Variants in MSI1 observed in about 807,000 individuals in gnomAD.
MSI1 encodes the protein musashi RNA binding protein 1, also known as RNA-binding protein Musashi homolog 1.
Under a neutral mutation model 54.4 loss-of-function variants are expected in MSI1, and 15 were observed. That is an observed-to-expected ratio of 0.28 (90% CI 0.18 to 0.42). MSI1 has a LOEUF of 0.42. MSI1 is among the 20% of genes least tolerant of loss of function. The pLI is 1.00. For missense variants in MSI1, 304 were observed against 506.0 expected (o/e 0.60, Z 3.83); for synonymous variants, 200 against 196.5 (o/e 1.02, Z -0.15).
In MSI1 at chr12:120,358,967, G is replaced by A. The variant is rs1054839984; in HGVS notation, c.451+38C>T. On this transcript the variant is annotated intron_variant, in intron 7 of 14. Coordinates refer to ENST00000257552, the MANE Select transcript of MSI1 (RefSeq NM_002442.4). ...GACCTGCAGCCCCCTGGCTGACCAC[G>A]GGGCCCAGCCTGGGAAGGGGGAGGG... 9 of 1,558,854 alleles carry A rather than the reference G, an allele frequency of 5.8e-6. 1 individual carries two copies. The highest frequency in any genetic ancestry group is 1.4e-5 in the African/African-American group (1 of 73,670).
At position 120,342,317 on chromosome 12, in the gene MSI1, T is replaced by G. The variant is rs982712949; in HGVS notation, c.*810A>C. On this transcript the variant is annotated 3_prime_UTR_variant, in exon 15 of 15. Transcript: ENST00000257552. ...AGGGCCTGAGAGAGCGGGCCTGCCG[T>G]GGCCACAGCTGAGGCCTGCAAGCTT... is the stretch of plus-strand genomic sequence containing the variant. The G allele has an allele frequency of 6.6e-6, 1 of 152,482 alleles. No individual in the cohort carries two copies. 9.4% of individuals were successfully genotyped at this position (152,482 alleles called of 1,614,324 possible). A position where few individuals can be genotyped will look rare whatever the true frequency, so the allele number is the denominator to read the frequency against.
rs1400226336 is a variant in MSI1 at position 120,353,282 on chromosome 12, T to C, written c.733+17A>G. 1.2e-6 allele frequency: 2 copies of C among 1,612,344 alleles called. No homozygotes were observed. Among genetic ancestry groups the C allele is most frequent in the Non-Finnish European group, 1.7e-6 (2 of 1,178,506 alleles). On this transcript the variant is annotated intron_variant, in intron 10 of 14. Coordinates refer to ENST00000257552, the MANE Select transcript of MSI1 (RefSeq NM_002442.4). ...CAGGGGCATGCTGGCAGCAGAGGGA[T>C]ACTGAGCAGGACTTACCGGGGAACT...
downstream of MSI1, among the ~76,000 whole-genome samples, chr12:120,339,819 C>T (rs1435051907): frequency 9.3e-5 from 14 of 151,338 alleles, no homozygotes; most frequent in Admixed American, 9.3e-4. Flanking sequence ...TGCTCTGTCA[C>T]CCAGGCTGGA....
At chr12:120,344,158 G>C (rs1337340155) in intron 14 of MSI1, among the ~76,000 whole-genome samples, 1 of 152,110 alleles carries the variant, frequency 6.6e-6, no homozygotes, top group East Asian at 1.9e-4. Flanking sequence ...GCCCGGCCAA[G>C]GTATCCTGTT....
chr12:120,357,139 T>C (rs1392469581), intron 8 of MSI1, 120 bp from the exon 9 acceptor site: 10 of 882,142 alleles, frequency 1.1e-5, no homozygotes, highest in Non-Finnish European at 1.8e-5. Context: ...AACTATTTCA[T>C]GGTTACCACT....
At chr12:120,365,441 C>CA (rs767562505) in intron 4 of MSI1, among the ~76,000 whole-genome samples, 9 of 151,720 alleles carry the variant, frequency 5.9e-5, no homozygotes, top group African/African-American at 1.7e-4. Context: ...AAAACAAAAA[C>CA]AAAAAAAATG....
chr12:120,355,890 CCTCT>C (rs943984850), intron 9 of MSI1, among the ~76,000 whole-genome samples: 4 of 147,700 alleles, frequency 2.7e-5, no homozygotes, highest in African/African-American at 1.0e-4. Flanking sequence ...TCCCAGAGTA[CCTCT>C]CTGTGTGCCA....
chr12:120,345,561 C>T lies in MSI1; in HGVS notation c.*21+9G>A, dbSNP rs779872853. On this transcript the variant is annotated intron_variant, in intron 14 of 14. Coordinates refer to ENST00000257552, the MANE Select transcript of MSI1 (RefSeq NM_002442.4). ...CCACCCCACCACCTGCCCACCCCCA[C>T]ATCCTCACCTCCTGCCACCGTCCCC... is the stretch of plus-strand genomic sequence containing the variant. The T allele has an allele frequency of 3.1e-6, 5 of 1,613,288 alleles. No homozygotes were observed. The highest frequency in any genetic ancestry group is 3.3e-5 in the Admixed American group (2 of 59,962).
rs552027286 is a variant in MSI1, at chr12:120,352,230, C to T, written c.734-830G>A. Among the ~76,000 whole-genome samples the T allele has an allele frequency of 1.9e-3, 296 of 152,138 alleles. 3 individuals carry two copies. The highest frequency in any genetic ancestry group is 2.4e-3 in the Non-Finnish European group (164 of 67,988). ...CTATGTTGCCCAGGCTGATCTCAAA[C>T]TCATGGGCTCAAGCCATCCTCCCAT... On this transcript the variant is annotated intron_variant, in intron 10 of 14. Transcript: ENST00000257552.
chr12:120,348,496 G>A (rs1218739899), intron 11 of MSI1, among the ~76,000 whole-genome samples: 3 of 151,426 alleles, frequency 2.0e-5, no homozygotes, highest in Non-Finnish European at 4.4e-5. Context: ...CAACCATAAC[G>A]CCTTAGCACA....
chr12:120,340,973 G>C (rs1319642842), downstream of MSI1, among the ~76,000 whole-genome samples: 1 of 144,540 alleles, frequency 6.9e-6, no homozygotes, highest in South Asian at 2.2e-4. Context: ...GCAGCCTCCA[G>C]CTCCAGGGTT....
Position 120,368,707 on chromosome 12 carries a change from G to A in MSI1, c.100+126C>T. On this transcript the variant is annotated intron_variant, in intron 2 of 14. Coordinates refer to ENST00000257552, the MANE Select transcript of MSI1 (RefSeq NM_002442.4). The surrounding 1 kb of genome is among the most constrained non-coding windows in gnomAD (Gnocchi z 6.6). ...CGCTCTCGGGGTCTCCGGGCGGGGCGCGAAAGAGGGCGCGAGGGCGCCCGG... is the reference window on the plus strand; with the variant it reads ...CGCTCTCGGGGTCTCCGGGCGGGGCACGAAAGAGGGCGCGAGGGCGCCCGG... 2.3e-6 allele frequency: 2 copies of A among 874,948 alleles called. No individual in the cohort carries two copies. Among genetic ancestry groups the A allele is most frequent in the Non-Finnish European group, 3.0e-6 (2 of 671,024 alleles). The allele number at this position is 874,948 out of a possible 1,614,324, so 54.2% of individuals were successfully genotyped here. A position where few individuals can be genotyped will look rare whatever the true frequency, so the allele number is the denominator to read the frequency against.
intron 6 of MSI1, among the ~76,000 whole-genome samples, chr12:120,360,210 C>G (rs547765498): frequency 7.2e-5 from 11 of 152,294 alleles, no homozygotes; most frequent in African/African-American, 2.4e-4. Flanking sequence ...GTCTCGAACT[C>G]CTGGCCTCAA....
intron 14 of MSI1, among the ~76,000 whole-genome samples, chr12:120,344,553 T>A (rs1281176749): frequency 3.3e-5 from 5 of 151,510 alleles, no homozygotes; most frequent in South Asian, 2.1e-4. Context: ...AAAAATTTTT[T>A]AAAAACTTAG....
In MSI1 at chr12:120,342,903, A is replaced by C; in HGVS notation, c.*224T>G. 1 of 16,054 alleles carries C rather than the reference A, an allele frequency of 6.2e-5. No individual in the cohort carries two copies. The allele number at this position is 16,054 out of a possible 1,614,324, so 1.0% of individuals were successfully genotyped here. On this transcript the variant is annotated 3_prime_UTR_variant, in exon 15 of 15. Transcript: ENST00000257552. The stretch of plus-strand genomic sequence containing the variant: ...AGGGCCGGGAGAGGGGCGGGTGGGG[A>C]TGGGGGCAAGGGCGAAGAGGGGGAC...
chr12:120,365,223 A>T (rs1040873411), intron 4 of MSI1, among the ~76,000 whole-genome samples: 5 of 152,180 alleles, frequency 3.3e-5, no homozygotes, highest in Non-Finnish European at 7.3e-5. Context: ...TTAAGCATTT[A>T]GACCCTAACG....
rs1876226275 is a variant in MSI1 at position 120,369,099 on chromosome 12, C to T, written c.-8G>A. The T allele has an allele frequency of 2.0e-6, 2 of 1,010,796 alleles. No homozygotes were observed. The highest frequency in any genetic ancestry group is 1.8e-5 in the African/African-American group (1 of 57,082). The allele number at this position is 1,010,796 out of a possible 1,614,324, so 62.6% of individuals were successfully genotyped here. ...GGGCGCGTCAGTCTCCATCGGGAGCCGCGGGCGGCGCGGGCAGCGGAGCGG... is the reference window on the plus strand; with the variant it reads ...GGGCGCGTCAGTCTCCATCGGGAGCTGCGGGCGGCGCGGGCAGCGGAGCGG... On this transcript the variant is annotated 5_prime_UTR_variant, in exon 1 of 15. Transcript: ENST00000257552.
intron 8 of MSI1, 135 bp downstream of exon 8, chr12:120,357,681 T>C: frequency 1.2e-6 from 1 of 805,970 alleles, no homozygotes; most frequent in South Asian, 1.7e-5. Flanking sequence ...AATTTTTGTA[T>C]TTTTAGTAGA....
In MSI1 at chr12:120,368,724, G is replaced by A. The variant is rs112030390; in HGVS notation, c.100+109C>T. ...GGCGGGGCGCGAAAGAGGGCGCGAG[G>A]GCGCCCGGGGTCAGCAGGGCGCAGG... is the stretch of plus-strand genomic sequence containing the variant. On this transcript the variant is annotated intron_variant, in intron 2 of 14. Transcript: ENST00000257552. The surrounding 1 kb of genome is among the most constrained non-coding windows in gnomAD (Gnocchi z 6.6). 2 of 1,042,638 alleles carry A rather than the reference G, an allele frequency of 1.9e-6. No homozygotes were observed. Among genetic ancestry groups the A allele is most frequent in the Non-Finnish European group, 2.4e-6 (2 of 819,102 alleles). The allele number at this position is 1,042,638 out of a possible 1,614,324, so 64.6% of individuals were successfully genotyped here. A position where few individuals can be genotyped will look rare whatever the true frequency, so the allele number is the denominator to read the frequency against.
Sources: allele counts gnomAD v4.1 joint callset (sites outside exome capture counted in the v4.1 genomes callset), GRCh38; gene constraint gnomAD v4.1.1; non-coding constraint Gnocchi (gnomAD v3.1); transcripts MANE v1.5; gene names NCBI Gene and HGNC (gene_info 2026-07-23, HGNC 2026-07-21).